Variants in DHDDS observed in about 807,000 individuals in gnomAD.
DHDDS encodes dehydrodolichyl diphosphate synthase subunit, also known as dehydrodolichyl diphosphate synthase complex subunit DHDDS.
Under a neutral mutation model 46.2 loss-of-function variants are expected in DHDDS, and 16 were observed. That is an observed-to-expected ratio of 0.35 (90% CI 0.23 to 0.53). The LOEUF (loss-of-function observed/expected upper bound fraction) is 0.53. Ranked by LOEUF, DHDDS falls within the 20% of genes least tolerant of loss-of-function variation. DHDDS has a pLI of 0.94. For missense variants in DHDDS, 340 were observed against 423.7 expected (o/e 0.80, Z 1.73); for synonymous variants, 151 against 163.1 (o/e 0.93, Z 0.56).
intron 6 of DHDDS, among the ~76,000 whole-genome samples, chr1:26,454,328 C>T (rs1187939411): frequency 6.6e-6 from 1 of 152,070 alleles, no homozygotes; most frequent in Non-Finnish European, 1.5e-5. Context: ...TCAGCTTTTT[C>T]CATTAAGAAT....
At position 26,439,440 on chromosome 1, in the gene DHDDS, A is replaced by G. The variant is rs535831088; in HGVS notation, c.180+1156A>G. Among the ~76,000 whole-genome samples, 6 of 152,132 alleles carry G rather than the reference A, an allele frequency of 3.9e-5. No homozygotes were observed. In the East Asian group the frequency reaches 1.2e-3, roughly 29 times the overall value. On this transcript the variant is annotated intron_variant, in intron 3 of 8. Transcript: ENST00000236342. ...ACAAAACAAAAAAAAAAATTAGCCAAGCATGATGGTGCATGCCTGTGGTCC... is the reference window on the plus strand; with the variant it reads ...ACAAAACAAAAAAAAAAATTAGCCAGGCATGATGGTGCATGCCTGTGGTCC...
chr1:26,453,983 T>G (rs1435476800), intron 6 of DHDDS, among the ~76,000 whole-genome samples: 2 of 152,032 alleles, frequency 1.3e-5, no homozygotes, highest in African/African-American at 4.8e-5. Flanking sequence ...AGATGGAGTC[T>G]TGCTCTGTCA....
At position 26,457,750 on chromosome 1, in the gene DHDDS, C is replaced by T. The variant is rs372584288; in HGVS notation, c.543-41C>T. On this transcript the variant is annotated intron_variant, in intron 6 of 8. Transcript: ENST00000236342. ...AGAACACTACAGAAAGAGAATACTA[C>T]AGGATGTGTGCCTCTCTTTGTCTCT... 5.7e-5 allele frequency: 82 copies of T among 1,451,258 alleles called. 2 individuals are homozygous for T. In the South Asian group the frequency reaches 6.2e-4, roughly 11 times the overall value. The allele number at this position is 1,451,258 out of a possible 1,614,324, so 89.9% of individuals were successfully genotyped here. A position where few individuals can be genotyped will look rare whatever the true frequency, so the allele number is the denominator to read the frequency against.
intron 6 of DHDDS, among the ~76,000 whole-genome samples, chr1:26,457,091 G>A (rs1213433235): frequency 1.3e-5 from 2 of 152,146 alleles, no homozygotes; most frequent in Non-Finnish European, 2.9e-5. Flanking sequence ...TTTTAGGCCT[G>A]AGGCTAAATG....
rs1570371979 is a variant in DHDDS at position 26,469,492 on chromosome 1, A to C, written c.*361A>C. Reference sequence around the variant, plus strand: ...ATTTCAGGGAAGAGTTCTCCCCAAAACCCTAGCTCTTTACCCTTCCATTTT... The same window carrying C: ...ATTTCAGGGAAGAGTTCTCCCCAAACCCCTAGCTCTTTACCCTTCCATTTT... On this transcript the variant is annotated 3_prime_UTR_variant, in exon 9 of 9. Transcript: ENST00000236342. 5.4e-6 allele frequency: 2 copies of C among 368,414 alleles called. No homozygotes were observed. 22.8% of individuals were successfully genotyped at this position (368,414 alleles called of 1,614,324 possible).
intron 6 of DHDDS, among the ~76,000 whole-genome samples, chr1:26,452,862 G>C (rs935583777): frequency 7.2e-5 from 11 of 152,134 alleles, no homozygotes; most frequent in African/African-American, 2.7e-4. Flanking sequence ...ACTTTGGGAG[G>C]CTGAGGCAGG....
intron 6 of DHDDS, chr1:26,455,227 T>C: frequency 1.5e-6 from 1 of 675,624 alleles, no homozygotes; most frequent in South Asian, 1.6e-5. Context: ...AAAGAGCAAA[T>C]GGGCCCATTT....
chr1:26,443,757 C>T (rs556342929), intron 4 of DHDDS, among the ~76,000 whole-genome samples: 4 of 152,256 alleles, frequency 2.6e-5, no homozygotes, highest in East Asian at 3.9e-4. Flanking sequence ...CATTGCTCCC[C>T]GGTCCCCAGC....
Position 26,469,343 on chromosome 1 carries a change from A to C in DHDDS, c.*212A>C. On this transcript the variant is annotated 3_prime_UTR_variant, in exon 9 of 9. Transcript: ENST00000236342. ...GGAGGATTGAGGGTGAAAGTCTCCCACGAGTACACTAAACCTAGGTCTGGT... is the reference window on the plus strand; with the variant it reads ...GGAGGATTGAGGGTGAAAGTCTCCCCCGAGTACACTAAACCTAGGTCTGGT... 1.2e-6 allele frequency: 1 copy of C among 836,662 alleles called. No individual in the cohort carries two copies. Among genetic ancestry groups the C allele is most frequent in the Non-Finnish European group, 1.9e-6 (1 of 535,970 alleles). The allele number at this position is 836,662 out of a possible 1,614,324, so 51.8% of individuals were successfully genotyped here.
At chr1:26,448,114 T>G in intron 6 of DHDDS, 1 of 239,050 alleles carries the variant, frequency 4.2e-6, no homozygotes, top group South Asian at 9.7e-5. Flanking sequence ...TGACTTTTCA[T>G]GAATGCAGTT....
intron 6 of DHDDS, chr1:26,455,321 AT>A: frequency 6.0e-6 from 3 of 503,432 alleles, no homozygotes; most frequent in Non-Finnish European, 1.1e-5. Context: ...CCAAGACAAG[AT>A]TGTCAGATTA....
intron 2 of DHDDS, 195 bp downstream of exon 2, chr1:26,433,203 T>C: frequency 1.5e-6 from 1 of 646,440 alleles, no homozygotes; most frequent in Non-Finnish European, 2.7e-6. Context: ...CTCTGATATT[T>C]TCTGGAAGCC....
intron 8 of DHDDS, chr1:26,467,070 G>A: frequency 4.1e-6 from 1 of 245,916 alleles, no homozygotes; most frequent in Admixed American, 4.4e-5. Context: ...CCTCCTCATT[G>A]GTTAAAGGGC....
Position 26,463,992 on chromosome 1 carries a change from CTTTTTTTT to C in DHDDS, c.765+3865_765+3872del, listed in dbSNP as rs60149042. ...TTTACCTATGGATCATATTTGCAAACTTTTTTTTTTTTTTTTTTTTTTTTGAGACGGAA... is the reference window on the plus strand; with the variant it reads ...TTTACCTATGGATCATATTTGCAAACTTTTTTTTTTTTTTTTGAGACGGAA... On this transcript the variant is annotated intron_variant, in intron 8 of 8. Transcript: ENST00000236342. 1.1e-4 allele frequency among the ~76,000 whole-genome samples: 10 copies of C among 93,760 alleles called. No individual in the cohort carries two copies. In the East Asian group the frequency reaches 3.1e-3, roughly 29 times the overall value. 61.5% of individuals were successfully genotyped at this position (93,760 alleles called of 152,430 possible).
At chr1:26,459,685 C>T (rs1359223590) in intron 7 of DHDDS, among the ~76,000 whole-genome samples, 2 of 152,238 alleles carry the variant, frequency 1.3e-5, no homozygotes, top group African/African-American at 2.4e-5. Context: ...CTTTATCAGA[C>T]AGTATGTCTT....
chr1:26,443,048 C>G lies in DHDDS; in HGVS notation c.323+175C>G, dbSNP rs562005160. 217 of 683,214 alleles carry G rather than the reference C, an allele frequency of 3.2e-4. 1 individual carries two copies. In the African/African-American group the frequency reaches 7.9e-3, roughly 25 times the overall value. 42.3% of individuals were successfully genotyped at this position (683,214 alleles called of 1,614,324 possible). On this transcript the variant is annotated intron_variant, in intron 4 of 8. Transcript: ENST00000236342. ...CAAGATAGTCTTTCATTCTTTATTT[C>G]TAACTTTTTAATAAAAAAGGGGGCA...
chr1:26,433,492 T>C (rs533962448), intron 2 of DHDDS, among the ~76,000 whole-genome samples: 1 of 151,636 alleles, frequency 6.6e-6, no homozygotes, highest in African/African-American at 2.4e-5. Flanking sequence ...CTCCAAAAAA[T>C]TAAAAAAATA....
At chr1:26,441,539 C>T (rs1182010517) in intron 3 of DHDDS, among the ~76,000 whole-genome samples, 1 of 152,146 alleles carries the variant, frequency 6.6e-6, no homozygotes, top group Non-Finnish European at 1.5e-5. Context: ...ATATGGTGAA[C>T]TGCACAGATT....
At chr1:26,467,552 T>C (rs142439218) in intron 8 of DHDDS, 13 of 320,750 alleles carry the variant, frequency 4.1e-5, no homozygotes, top group African/African-American at 2.6e-4. Flanking sequence ...CATGTCTGTC[T>C]CCAGCAGAAA....
Sources: allele counts gnomAD v4.1 joint callset (sites outside exome capture counted in the v4.1 genomes callset), GRCh38; gene constraint gnomAD v4.1.1; transcripts MANE v1.5; gene names NCBI Gene and HGNC (gene_info 2026-07-23, HGNC 2026-07-21).